The following FBXO33 variants were observed in gnomAD, a reference collection of about 807,000 sequenced individuals.
FBXO33 encodes F-box only protein 33.
Under a neutral mutation model 46.3 loss-of-function variants are expected in FBXO33, and 22 were observed. That is an observed-to-expected ratio of 0.48 (90% CI 0.34 to 0.68). The LOEUF (loss-of-function observed/expected upper bound fraction) is 0.68. Among genes scored for constraint, FBXO33 ranks in the 30% least tolerant of loss-of-function variants. FBXO33 has a pLI of 0.01. For missense variants in FBXO33, 692 were observed against 708.8 expected (o/e 0.98, Z 0.27); for synonymous variants, 337 against 291.3 (o/e 1.16, Z -1.60).
In FBXO33 at chr14:39,421,331, G is replaced by A. The variant is rs573362942; in HGVS notation, c.599+10233C>T. ...TTTTTGTTCACCTTAAGGAGTATAC[G>A]TGATGAGCATCTACATGGAAAGACA... On this transcript the variant is annotated intron_variant, in intron 1 of 3. Transcript: ENST00000298097. Among the ~76,000 whole-genome samples, 13 of 152,220 alleles carry A rather than the reference G, an allele frequency of 8.5e-5. No individual in the cohort carries two copies. The East Asian group carries it at 1.9e-3, about 23-fold the overall frequency.
intron 1 of FBXO33, among the ~76,000 whole-genome samples, chr14:39,414,413 A>G (rs1300186617): frequency 6.6e-6 from 1 of 152,194 alleles, no homozygotes; most frequent in African/African-American, 2.4e-5. Flanking sequence ...TAATAAGGCC[A>G]TTTCCCTTTC....
In FBXO33 at chr14:39,403,856, C is replaced by T. The variant is rs190815403; in HGVS notation, c.600-1345G>A. ...TCACTCTGTTGTTCAGGTTGGAGCG[C>T]AGTGGTATGATCACGGCTCACTGCA... On this transcript the variant is annotated intron_variant, in intron 1 of 3. Transcript: ENST00000298097. Among the ~76,000 whole-genome samples, 4 of 149,778 alleles carry T rather than the reference C, an allele frequency of 2.7e-5. No individual in the cohort carries two copies. In the East Asian group the frequency reaches 7.8e-4, roughly 29 times the overall value.
intron 1 of FBXO33, among the ~76,000 whole-genome samples, chr14:39,411,988 T>C (rs529871193): frequency 3.9e-4 from 60 of 152,358 alleles, no homozygotes; most frequent in African/African-American, 1.4e-3. Context: ...ATGTGATTTA[T>C]CCTGGAGAAT....
intron 1 of FBXO33, among the ~76,000 whole-genome samples, chr14:39,422,552 A>G (rs556367359): frequency 5.9e-4 from 90 of 152,312 alleles, no homozygotes; most frequent in Non-Finnish European, 9.6e-4. Context: ...GTGCCTACAG[A>G]TTTCCTTATC....
chr14:39,407,004 C>A (rs2075401804), intron 1 of FBXO33, among the ~76,000 whole-genome samples: 1 of 151,998 alleles, frequency 6.6e-6, no homozygotes, highest in South Asian at 2.1e-4. Context: ...ATCATTTACA[C>A]AAAAATTCTA....
At chr14:39,427,242 A>G (rs1459273292) in intron 1 of FBXO33, among the ~76,000 whole-genome samples, 1 of 152,214 alleles carries the variant, frequency 6.6e-6, no homozygotes, top group African/African-American at 2.4e-5. Flanking sequence ...TGTGGAATAA[A>G]AAGTCCTAAA....
Position 39,431,895 on chromosome 14 carries a change from G to A in FBXO33, c.268C>T (p.Arg90Trp), listed in dbSNP as rs199629961. 1.3e-6 allele frequency: 2 copies of A among 1,554,570 alleles called. No homozygotes were observed. Among genetic ancestry groups the A allele is most frequent in the South Asian group, 2.3e-5 (2 of 86,134 alleles). ...FSFLPAPDRL[R>W]ASASCSHWRE... is the part of the protein sequence containing the mutation. ...CAGTGCGAGCAGGAGGCCGAGGCCC[G>A]CAGCCGGTCGGGCGCCGGCAGAAAA... Residue 90 changes from arginine (R) to tryptophan (W), a missense_variant, in exon 1 of 4, where the codon CGG becomes TGG. Arg to Trp is a moderately radical substitution (Grantham distance 101, BLOSUM62 -3). This residue lies in a region of FBXO33 where 412 missense variants were observed against 370.8 expected (regional missense o/e 1.11). Transcript: ENST00000298097.
At chr14:39,400,287 A>G (rs550149684) in intron 3 of FBXO33, among the ~76,000 whole-genome samples, 2 of 152,234 alleles carry the variant, frequency 1.3e-5, no homozygotes, top group Non-Finnish European at 1.5e-5. Flanking sequence ...GTAAATTATA[A>G]AACAATCATG....
chr14:39,402,645 G>T, intron 1 of FBXO33, 134 bp from the exon 2 acceptor site: 2 of 301,004 alleles, frequency 6.6e-6, no homozygotes, highest in Non-Finnish European at 1.2e-5. Flanking sequence ...ATCCAGTTAA[G>T]TACTTTCAGA....
At position 39,431,659 on chromosome 14, in the gene FBXO33, T is replaced by A; in HGVS notation, c.504A>T (p.Glu168Asp). Residue 168 changes from glutamate (E) to aspartate (D), a missense_variant, in exon 1 of 4, where the codon GAA becomes GAT. Physicochemically the swap from Glu to Asp is conservative, Grantham distance 45. Around this residue, in one of 3 missense-constraint regions of FBXO33, gnomAD observed 412 missense variants for 370.8 expected, o/e 1.11. Transcript: ENST00000298097. ...GGADTGTGGE[E>D]VEALQLSARW... ...GAGCTGAGAGCTGCAGGGCCTCGAC[T>A]TCCTCCCCTCCAGTCCCGGTGTCCG... 1 of 1,613,594 alleles carries A rather than the reference T, an allele frequency of 6.2e-7. No individual in the cohort carries two copies. The highest frequency in any genetic ancestry group is 1.3e-5 in the African/African-American group (1 of 75,048).
chr14:39,429,252 C>T (rs2075531358), intron 1 of FBXO33, among the ~76,000 whole-genome samples: 1 of 152,134 alleles, frequency 6.6e-6, no homozygotes, highest in Non-Finnish European at 1.5e-5. Flanking sequence ...AGGAATTCAG[C>T]ACAAAGCCTG....
At chr14:39,424,913 C>T (rs967803013) in intron 1 of FBXO33, among the ~76,000 whole-genome samples, 6 of 151,864 alleles carry the variant, frequency 4.0e-5, no homozygotes, top group African/African-American at 1.2e-4. Context: ...ATTAGCTGGG[C>T]GTGGTGGTGC....
At chr14:39,424,734 C>T (rs900628738) in intron 1 of FBXO33, among the ~76,000 whole-genome samples, 4 of 152,096 alleles carry the variant, frequency 2.6e-5, no homozygotes, top group African/African-American at 9.7e-5. Flanking sequence ...GCTGTGGAAA[C>T]AGAAAATAGA....
Position 39,402,499 on chromosome 14 carries a change from C to G in FBXO33, c.612G>C (p.Lys204Asn). Reference sequence around the variant, plus strand: ...CACTTATGTCTCCAAAAAGACTAAACTTCTGAAGGTTCCTACAAGAACAAT... The same window carrying G: ...CACTTATGTCTCCAAAAAGACTAAAGTTCTGAAGGTTCCTACAAGAACAAT... Reference protein sequence around the residue: ...VSIRNNRNLQKFSLFGDISVL... With the variant: ...VSIRNNRNLQNFSLFGDISVL... Residue 204 changes from lysine to asparagine, a missense_variant, in exon 2 of 4, where the codon AAG becomes AAC. Lys to Asn is a moderately conservative substitution (Grantham distance 94). Transcript: ENST00000298097. The G allele has an allele frequency of 6.6e-7, 1 of 1,516,234 alleles. No individual in the cohort carries two copies. Among genetic ancestry groups the G allele is most frequent in the Non-Finnish European group, 8.9e-7 (1 of 1,129,844 alleles). The allele number at this position is 1,516,234 out of a possible 1,614,324, so 93.9% of individuals were successfully genotyped here. A position where few individuals can be genotyped will look rare whatever the true frequency, so the allele number is the denominator to read the frequency against.
chr14:39,401,228 C>G lies in FBXO33; in HGVS notation c.1344G>C (p.Pro448=), dbSNP rs759014598. The G allele has an allele frequency of 1.2e-6, 2 of 1,611,948 alleles. No individual in the cohort carries two copies. The highest frequency in any genetic ancestry group is 4.5e-5 in the East Asian group (2 of 44,858). ...PDLSDNRNED[P]LVLLAWRCTK... is the part of the protein sequence containing the mutation. Reference sequence around the variant, plus strand: ...TGCACCTCCATGCTAATAAAACCAACGGATCTTCATTTCGGTTGTCACTAA... The same window carrying G: ...TGCACCTCCATGCTAATAAAACCAAGGGATCTTCATTTCGGTTGTCACTAA... Residue 448 remains proline, a synonymous_variant, in exon 3 of 4, where the codon CCG becomes CCC. Transcript: ENST00000298097.
At chr14:39,411,800 C>T (rs1291367114) in intron 1 of FBXO33, among the ~76,000 whole-genome samples, 1 of 151,744 alleles carries the variant, frequency 6.6e-6, no homozygotes, top group Non-Finnish European at 1.5e-5. Flanking sequence ...GGATTACAGG[C>T]GTGAGCCACT....
At chr14:39,427,573 A>C (rs2075522161) in intron 1 of FBXO33, among the ~76,000 whole-genome samples, 1 of 152,184 alleles carries the variant, frequency 6.6e-6, no homozygotes, top group Non-Finnish European at 1.5e-5. Flanking sequence ...GTTGGAGATA[A>C]TACCTTCAAG....
At chr14:39,416,044 T>C (rs907773900) in intron 1 of FBXO33, among the ~76,000 whole-genome samples, 14 of 152,336 alleles carry the variant, frequency 9.2e-5, no homozygotes, top group Non-Finnish European at 1.9e-4. Flanking sequence ...TATTATTCTC[T>C]ATTTGTTTAT....
chr14:39,425,397 T>C (rs376632567), intron 1 of FBXO33, among the ~76,000 whole-genome samples: 41 of 152,304 alleles, frequency 2.7e-4, no homozygotes, highest in South Asian at 8.3e-4. Context: ...TTATTACAGC[T>C]AAGAAGAATT....
Sources: gnomAD v4.1 joint callset for allele counts (sites outside exome capture counted in the v4.1 genomes callset) on GRCh38, gnomAD v4.1.1 for gene constraint, gnomAD v4.1.1 regional missense constraint, MANE v1.5 for transcripts, NCBI Gene and HGNC (gene_info 2026-07-23, HGNC 2026-07-21) for gene names.